The following RHOA variants were observed in gnomAD, a reference collection of about 807,000 sequenced individuals.
RHOA encodes the protein ras homolog family member A.
Under a neutral mutation model 17.5 loss-of-function variants are expected in RHOA, and 3 were observed. That is an observed-to-expected ratio of 0.17 (90% CI 0.08 to 0.44). The LOEUF is 0.44. Ranked by LOEUF, RHOA falls within the 20% of genes least tolerant of loss-of-function variation. RHOA has a pLI of 0.99. For missense variants in RHOA, 56 were observed against 242.3 expected (o/e 0.23, Z 5.10); for synonymous variants, 98 against 88.4 (o/e 1.11, Z -0.61).
intron 2 of RHOA, among the ~76,000 whole-genome samples, chr3:49,369,461 G>A (rs1358815075): frequency 3.3e-5 from 5 of 151,880 alleles, no homozygotes; most frequent in African/African-American, 2.4e-5. Flanking sequence ...GGCCAGGCGC[G>A]GTGGCTCATG....
chr3:49,394,753 G>GT (rs1175383462), intron 1 of RHOA, among the ~76,000 whole-genome samples: 1 of 152,170 alleles, frequency 6.6e-6, no homozygotes, highest in Non-Finnish European at 1.5e-5. Context: ...ATTAAGTGCT[G>GT]TAACAAAAGC....
chr3:49,411,686 AG>A, intron 1 of RHOA, 133 bp downstream of exon 1: 1 of 152,046 alleles, frequency 6.6e-6, no homozygotes, highest in Non-Finnish European at 1.5e-5. Flanking sequence ...GTCAAGGGTC[AG>A]GGGCCAGGGG....
chr3:49,409,155 G>A (rs1285729802), intron 1 of RHOA, among the ~76,000 whole-genome samples: 1 of 151,734 alleles, frequency 6.6e-6, no homozygotes, highest in Non-Finnish European at 1.5e-5. Context: ...AGCACTTTGG[G>A]AGGCCAAGGC....
At chr3:49,361,652 G>A (rs1243390502) in intron 4 of RHOA, among the ~76,000 whole-genome samples, 6 of 151,996 alleles carry the variant, frequency 3.9e-5, no homozygotes, top group African/African-American at 7.3e-5. Flanking sequence ...AGGCCAAGGC[G>A]GGCAGATCAC....
intron 1 of RHOA, among the ~76,000 whole-genome samples, chr3:49,387,747 A>C (rs138478251): frequency 0.013 from 1,759 of 137,574 alleles, 39 homozygotes; most frequent in African/African-American, 0.043. Context: ...TCTCAAAAAA[A>C]AAAAACAAAA....
Position 49,359,893 on chromosome 3 carries a change from T to C in RHOA, c.*316A>G. The C allele has an allele frequency of 3.0e-6, 1 of 329,364 alleles. No individual in the cohort carries two copies. The allele number at this position is 329,364 out of a possible 1,614,324, so 20.4% of individuals were successfully genotyped here. On this transcript the variant is annotated 3_prime_UTR_variant, in exon 5 of 5. Coordinates refer to ENST00000418115, the MANE Select transcript of RHOA (RefSeq NM_001664.4). ...TAGTTATAAAGTAGTTACAGCCTAA[T>C]TCACAAAAGTTACCAACTGTTTCTC...
At chr3:49,388,210 G>A (rs965953381) in intron 1 of RHOA, among the ~76,000 whole-genome samples, 1 of 151,652 alleles carries the variant, frequency 6.6e-6, no homozygotes, top group Admixed American at 6.6e-5. Flanking sequence ...GTGTGGAGAC[G>A]GGGTTTTGCC....
chr3:49,377,385 A>G (rs531754500), intron 1 of RHOA, among the ~76,000 whole-genome samples: 17 of 152,266 alleles, frequency 1.1e-4, no homozygotes, highest in African/African-American at 4.1e-4. Flanking sequence ...TTGAGAGTCC[A>G]GGAGTTCAAG....
rs570360767 is a variant in RHOA at position 49,399,801 on chromosome 3, T to C, written c.-3+12019A>G. Among the ~76,000 whole-genome samples, 28 of 152,270 alleles carry C rather than the reference T, an allele frequency of 1.8e-4. No homozygotes were observed. The East Asian group carries it at 3.5e-3, about 19-fold the overall frequency. On this transcript the variant is annotated intron_variant, in intron 1 of 4. Transcript: ENST00000418115. Reference sequence around the variant, plus strand: ...TTGAATTTACCAAATAAAACTATTATGTTTTCGAACAAGATAAATTTTTAA... The same window carrying C: ...TTGAATTTACCAAATAAAACTATTACGTTTTCGAACAAGATAAATTTTTAA...
intron 1 of RHOA, among the ~76,000 whole-genome samples, chr3:49,383,151 C>T (rs537462784): frequency 5.7e-4 from 86 of 152,158 alleles, no homozygotes; most frequent in Middle Eastern, 3.4e-3. Context: ...TAATCTCTTT[C>T]GGCCAGGTGT....
At chr3:49,395,764 T>C (rs1009851144) in intron 1 of RHOA, among the ~76,000 whole-genome samples, 10 of 141,044 alleles carry the variant, frequency 7.1e-5, no homozygotes, top group Non-Finnish European at 1.3e-4. Context: ...CGAAAAGTGA[T>C]TGAGTGGTTA....
chr3:49,374,738 CA>C (rs910152763), intron 2 of RHOA, among the ~76,000 whole-genome samples: 3 of 143,408 alleles, frequency 2.1e-5, no homozygotes, highest in African/African-American at 7.7e-5. Flanking sequence ...CAAAACAAAA[CA>C]AAAAAAAAAC....
chr3:49,378,610 T>C (rs1252644553), intron 1 of RHOA, among the ~76,000 whole-genome samples: 2 of 151,836 alleles, frequency 1.3e-5, no homozygotes, highest in Non-Finnish European at 2.9e-5. Context: ...TATTATGTAG[T>C]TATTTTCAGA....
rs978773042 is a variant in RHOA, at chr3:49,398,561, C to T, written c.-3+13259G>A. Reference sequence around the variant, plus strand: ...TTTGCTGGCAGGGCGCGGTGGCTCACGCCTGTAATCCCAGCACTTTGGGAG... The same window carrying T: ...TTTGCTGGCAGGGCGCGGTGGCTCATGCCTGTAATCCCAGCACTTTGGGAG... On this transcript the variant is annotated intron_variant, in intron 1 of 4. Coordinates refer to ENST00000418115, the MANE Select transcript of RHOA (RefSeq NM_001664.4). Among the ~76,000 whole-genome samples, 7 of 151,396 alleles carry T rather than the reference C, an allele frequency of 4.6e-5. No homozygotes were observed. The South Asian group carries it at 8.3e-4, about 18-fold the overall frequency.
intron 1 of RHOA, among the ~76,000 whole-genome samples, chr3:49,403,043 A>G (rs1228708479): frequency 6.6e-6 from 1 of 151,086 alleles, no homozygotes; most frequent in Non-Finnish European, 1.5e-5. Context: ...TCTCATAAAA[A>G]AAAAAAAAAA....
intron 1 of RHOA, among the ~76,000 whole-genome samples, chr3:49,407,958 G>A (rs1463738616): frequency 6.6e-6 from 1 of 152,022 alleles, no homozygotes; most frequent in African/African-American, 2.4e-5. Flanking sequence ...CCAGGAGTTC[G>A]AGAACAGCCT....
intron 1 of RHOA, among the ~76,000 whole-genome samples, chr3:49,397,879 G>A (rs1195456986): frequency 1.3e-5 from 2 of 152,160 alleles, no homozygotes; most frequent in Non-Finnish European, 2.9e-5. Flanking sequence ...CAGGAGATTT[G>A]AGCCAAAGGA....
intron 1 of RHOA, among the ~76,000 whole-genome samples, chr3:49,395,020 C>T (rs1272683168): frequency 2.0e-5 from 3 of 151,284 alleles, no homozygotes; most frequent in East Asian, 2.0e-4. Context: ...GAGGCCGAGG[C>T]GGGCAGATCA....
chr3:49,376,164 AG>A (rs1056804008), intron 1 of RHOA, among the ~76,000 whole-genome samples: 1 of 152,072 alleles, frequency 6.6e-6, no homozygotes, highest in African/African-American at 2.4e-5. Flanking sequence ...TCTATCCAGC[AG>A]GATACTGGAG....
Sources: allele counts gnomAD v4.1 joint callset (sites outside exome capture counted in the v4.1 genomes callset), GRCh38; gene constraint gnomAD v4.1.1; transcripts MANE v1.5; gene names NCBI Gene and HGNC (gene_info 2026-07-23, HGNC 2026-07-21).